Variants in TTC3 observed in about 807,000 individuals in gnomAD.
TTC3 encodes E3 ubiquitin-protein ligase TTC3.
In TTC3, 180 loss-of-function variants were observed where a neutral mutation model predicts 249.6. The ratio of observed to expected loss-of-function variants is 0.72; its 90% CI spans 0.64 to 0.82. The LOEUF (loss-of-function observed/expected upper bound fraction) is 0.82, where lower values mean the gene tolerates loss of function less well. Among genes scored for constraint, TTC3 ranks in the 40% least tolerant of loss-of-function variants. TTC3 has a pLI of 0.00. For synonymous variants in TTC3, 717 were observed against 805.0 expected (o/e 0.89, Z 1.85); for missense variants, 2,061 against 2,398.4 (o/e 0.86, Z 2.94).
rs112251524 is a variant in TTC3 at position 37,198,040 on chromosome 21, A to G, written c.5850+15A>G. 19 of 1,555,066 alleles carry G rather than the reference A, an allele frequency of 1.2e-5. No individual in the cohort carries two copies. The African/African-American group carries it at 2.4e-4, about 19-fold the overall frequency. ...CTGTGAGGATTGTATGTATAACTGTATAGTTTTGTTTTTTAATGAAAAACA... is the reference window on the plus strand; with the variant it reads ...CTGTGAGGATTGTATGTATAACTGTGTAGTTTTGTTTTTTAATGAAAAACA... On this transcript the variant is annotated intron_variant, in intron 44 of 45. Transcript: ENST00000355666.
intron 22 of TTC3, 150 bp from the exon 23 acceptor site, chr21:37,148,396 A>G (rs2079162274): frequency 6.8e-6 from 3 of 440,562 alleles, no homozygotes; most frequent in Non-Finnish European, 1.2e-5. Context: ...ATGTTTATAA[A>G]ATATTTGATA....
Position 37,192,331 on chromosome 21 carries a change from A to C in TTC3, c.5217+118A>C, listed in dbSNP as rs971010869. The C allele has an allele frequency of 6.4e-6, 4 of 629,782 alleles. No homozygotes were observed. In the African/African-American group the frequency reaches 7.5e-5, roughly 12 times the overall value. 39.0% of individuals were successfully genotyped at this position (629,782 alleles called of 1,614,324 possible). On this transcript the variant is annotated intron_variant, in intron 41 of 45. Transcript: ENST00000355666. Reference sequence around the variant, plus strand: ...GATGAGATTGGTTAATAATTGCCTTAATGTTTCATTATTGGTGCTACTGAT... The same window carrying C: ...GATGAGATTGGTTAATAATTGCCTTCATGTTTCATTATTGGTGCTACTGAT...
intron 1 of TTC3, among the ~76,000 whole-genome samples, chr21:37,085,042 C>A (rs1301103700): frequency 6.6e-6 from 1 of 152,018 alleles, no homozygotes; most frequent in East Asian, 1.9e-4. Context: ...AAATATACCC[C>A]AGTGTCGTAA....
intron 12 of TTC3, among the ~76,000 whole-genome samples, chr21:37,122,440 T>TATATATA (rs2076692984): frequency 4.3e-5 from 1 of 23,104 alleles, no homozygotes; most frequent in African/African-American, 1.8e-4. Context: ...ATATATATTA[T>TATATATA]ATATATATAT....
intron 11 of TTC3, 75 bp from the exon 12 acceptor site, chr21:37,121,742 A>G: frequency 7.2e-7 from 1 of 1,383,542 alleles, no homozygotes; most frequent in Non-Finnish European, 9.6e-7. Flanking sequence ...TTTCAAGCAA[A>G]ACATTTTTCC....
At chr21:37,141,334 G>C (rs2078428814) in intron 20 of TTC3, among the ~76,000 whole-genome samples, 1 of 151,924 alleles carries the variant, frequency 6.6e-6, no homozygotes, top group Admixed American at 6.6e-5. Context: ...TTGACTGATT[G>C]AATATTATTT....
At chr21:37,140,701 T>A in intron 20 of TTC3, 28 bp downstream of exon 20, 1 of 1,466,658 alleles carries the variant, frequency 6.8e-7, no homozygotes, top group Admixed American at 2.1e-5. Context: ...TACTTTAAGC[T>A]CTAGGCTGGT....
At chr21:37,123,052 C>T in intron 13 of TTC3, 24 bp downstream of exon 13, 1 of 1,610,774 alleles carries the variant, frequency 6.2e-7, no homozygotes, top group Non-Finnish European at 8.5e-7. Context: ...AGGTCAGTAG[C>T]TGCTACTACT....
chr21:37,148,433 G>A, intron 22 of TTC3, 113 bp from the exon 23 acceptor site: 1 of 511,660 alleles, frequency 2.0e-6, no homozygotes. Context: ...GCAACTTTAT[G>A]CTGTGGAAAT....
chr21:37,144,552 G>A, exon 21 of TTC3: 1 of 1,612,046 alleles, frequency 6.2e-7, no homozygotes. Context: ...ATCACTTTGA[G>A]AAAGCAAGAA....
chr21:37,105,094 C>T (rs527480069), intron 10 of TTC3, among the ~76,000 whole-genome samples: 1 of 152,242 alleles, frequency 6.6e-6, no homozygotes, highest in Admixed American at 6.5e-5. Context: ...AAAGAGTGGT[C>T]AGCAGTGTCT....
chr21:37,171,000 T>A (rs2835643), intron 34 of TTC3, among the ~76,000 whole-genome samples: 49,820 of 152,084 alleles, frequency 0.33, 8,501 homozygotes, highest in South Asian at 0.52. Context: ...TCCATATCAG[T>A]AAATACGATT....
chr21:37,183,517 C>T (rs1209020335), intron 36 of TTC3, among the ~76,000 whole-genome samples: 1 of 152,122 alleles, frequency 6.6e-6, no homozygotes, highest in Non-Finnish European at 1.5e-5. Flanking sequence ...AAGTCAGTTT[C>T]TTTATTAGCA....
chr21:37,091,173 G>T, intron 6 of TTC3, 120 bp from the exon 7 acceptor site: 1 of 1,029,448 alleles, frequency 9.7e-7, no homozygotes, highest in East Asian at 2.6e-5. Context: ...CAAAAAATAA[G>T]TGGTTGTACC....
chr21:37,178,526 A>G (rs1307566042), intron 35 of TTC3, among the ~76,000 whole-genome samples: 5 of 152,124 alleles, frequency 3.3e-5, no homozygotes, highest in African/African-American at 1.2e-4. Flanking sequence ...TGTGGTTTTG[A>G]TTTTTATTTC....
intron 31 of TTC3, among the ~76,000 whole-genome samples, chr21:37,162,810 G>T (rs560950904): frequency 0.14 from 269 of 1,984 alleles, 2 homozygotes; most frequent in Non-Finnish European, 0.17. Context: ...AGTTCTGGAG[G>T]CTGGGAAGTC....
chr21:37,097,824 G>C, intron 10 of TTC3: 2 of 582,436 alleles, frequency 3.4e-6, no homozygotes, highest in Non-Finnish European at 6.2e-6. Context: ...GAAAGCGCTT[G>C]TATGGGAGGG....
intron 11 of TTC3, among the ~76,000 whole-genome samples, chr21:37,109,677 C>T (rs1405759539): frequency 6.6e-6 from 1 of 152,234 alleles, no homozygotes; most frequent in African/African-American, 2.4e-5. Flanking sequence ...CCTCTGCAGA[C>T]TTAAATGTCC....
intron 27 of TTC3, 51 bp downstream of exon 27, chr21:37,153,328 G>T (rs931567912): frequency 6.8e-6 from 10 of 1,476,000 alleles, no homozygotes; most frequent in Non-Finnish European, 8.2e-6. Flanking sequence ...AAGGGGAAGT[G>T]TAGGTCTCTG....
Sources: gnomAD v4.1 joint callset for allele counts (sites outside exome capture counted in the v4.1 genomes callset) on GRCh38, gnomAD v4.1.1 for gene constraint, MANE v1.5 for transcripts, NCBI Gene and HGNC (gene_info 2026-07-23, HGNC 2026-07-21) for gene names.